CCDC85A: variants seen among roughly 807,000 people sequenced by gnomAD.
CCDC85A encodes coiled-coil domain containing 85A.
Under a neutral mutation model 50.2 loss-of-function variants are expected in CCDC85A, and 38 were observed. The ratio of observed to expected loss-of-function variants is 0.76; its 90% CI spans 0.58 to 0.99. The LOEUF (loss-of-function observed/expected upper bound fraction) is 0.99, where lower values mean the gene tolerates loss of function less well. Ranked by LOEUF, CCDC85A falls within the 50% of genes least tolerant of loss-of-function variation. CCDC85A has a pLI of 0.00. For synonymous variants in CCDC85A, 366 were observed against 301.4 expected, an observed-to-expected ratio of 1.21 and a Z score of -2.22; for missense variants, 820 against 742.0, an observed-to-expected ratio of 1.11 and a Z score of -1.22.
At chr2:56,266,813 C>G (rs1399202039) in intron 2 of CCDC85A, among the ~76,000 whole-genome samples, 1 of 152,016 alleles carries the variant, frequency 6.6e-6, no homozygotes, top group East Asian at 1.9e-4. Context: ...TAGTTATGTC[C>G]TCTTTATTGG....
At chr2:56,348,735 T>C (rs992462317) in intron 3 of CCDC85A, among the ~76,000 whole-genome samples, 1 of 152,170 alleles carries the variant, frequency 6.6e-6, no homozygotes, top group African/African-American at 2.4e-5. Context: ...CTCACCACGG[T>C]GCTTATGCAG....
intron 3 of CCDC85A, among the ~76,000 whole-genome samples, chr2:56,358,029 G>A (rs554204010): frequency 2.0e-5 from 3 of 152,220 alleles, no homozygotes; most frequent in South Asian, 2.1e-4. Flanking sequence ...AATGGACAGG[G>A]CAAGGTTTGT....
intron 2 of CCDC85A, among the ~76,000 whole-genome samples, chr2:56,208,839 A>C (rs1470997247): frequency 6.6e-6 from 1 of 152,036 alleles, no homozygotes. Context: ...TTAACATATC[A>C]TGGTCTTTAG....
At chr2:56,225,054 G>C (rs1356081484) in intron 2 of CCDC85A, among the ~76,000 whole-genome samples, 2 of 149,916 alleles carry the variant, frequency 1.3e-5, no homozygotes, top group Non-Finnish European at 3.0e-5. Context: ...TATAGTTTTA[G>C]TTATTATAGT....
intron 2 of CCDC85A, among the ~76,000 whole-genome samples, chr2:56,339,671 A>T (rs7601878): frequency 0.43 from 64,805 of 152,088 alleles, 15,822 homozygotes; most frequent in African/African-American, 0.68. Flanking sequence ...CAAAAAAGAA[A>T]ATAACTTTAT....
At chr2:56,220,889 GT>G (rs1668296490) in intron 2 of CCDC85A, among the ~76,000 whole-genome samples, 1 of 151,944 alleles carries the variant, frequency 6.6e-6, no homozygotes, top group African/African-American at 2.4e-5. Context: ...AAGTATGCAG[GT>G]GGTCAAGGAT....
chr2:56,244,673 G>A (rs1469509738), intron 2 of CCDC85A, among the ~76,000 whole-genome samples: 1 of 151,358 alleles, frequency 6.6e-6, no homozygotes. Context: ...GAATATGCTG[G>A]GTCACATTGG....
chr2:56,302,483 C>T (rs1329730530), intron 2 of CCDC85A, among the ~76,000 whole-genome samples: 2 of 152,146 alleles, frequency 1.3e-5, no homozygotes, highest in African/African-American at 4.8e-5. Context: ...AATTATTTTT[C>T]TGTCACCTGA....
chr2:56,263,572 A>G (rs1573126067), intron 2 of CCDC85A, among the ~76,000 whole-genome samples: 1 of 152,108 alleles, frequency 6.6e-6, no homozygotes, highest in South Asian at 2.1e-4. Context: ...TGGATGTGCA[A>G]GCTGGGTGTG....
At chr2:56,331,095 G>A (rs1370298228) in intron 2 of CCDC85A, among the ~76,000 whole-genome samples, 1 of 152,158 alleles carries the variant, frequency 6.6e-6, no homozygotes, top group Non-Finnish European at 1.5e-5. Flanking sequence ...GATGGAACTG[G>A]AGGCCATTAT....
At chr2:56,212,089 A>G (rs1677204100) in intron 2 of CCDC85A, among the ~76,000 whole-genome samples, 1 of 151,986 alleles carries the variant, frequency 6.6e-6, no homozygotes, top group Non-Finnish European at 1.5e-5. Context: ...TCACACCCCA[A>G]GTTGGTCTGG....
At chr2:56,237,481 G>A (rs923898579) in intron 2 of CCDC85A, among the ~76,000 whole-genome samples, 3 of 152,192 alleles carry the variant, frequency 2.0e-5, no homozygotes, top group African/African-American at 4.8e-5. Context: ...ATCTTGCTAA[G>A]TAATAACAAT....
intron 2 of CCDC85A, among the ~76,000 whole-genome samples, chr2:56,255,617 G>C (rs1669949874): frequency 6.6e-6 from 1 of 152,028 alleles, no homozygotes. Context: ...TGTGTCAAAT[G>C]CCCTACACGT....
chr2:56,320,378 T>C (rs1220474006), intron 2 of CCDC85A, among the ~76,000 whole-genome samples: 9 of 152,048 alleles, frequency 5.9e-5, no homozygotes, highest in African/African-American at 2.2e-4. Flanking sequence ...ATCATCAAAA[T>C]TGATAGACCA....
intron 3 of CCDC85A, among the ~76,000 whole-genome samples, chr2:56,364,413 T>C (rs756760287): frequency 7.9e-5 from 12 of 152,218 alleles, no homozygotes; most frequent in Non-Finnish European, 1.5e-5. Flanking sequence ...TTCTTTTCCT[T>C]CCAATAACAT....
At chr2:56,284,662 C>T (rs1487564733) in intron 2 of CCDC85A, among the ~76,000 whole-genome samples, 1 of 152,194 alleles carries the variant, frequency 6.6e-6, no homozygotes, top group Admixed American at 6.5e-5. Context: ...CGTGAGCCAC[C>T]ATGCCCAGCC....
intron 2 of CCDC85A, among the ~76,000 whole-genome samples, chr2:56,316,097 C>A (rs1471645951): frequency 6.6e-6 from 1 of 151,794 alleles, no homozygotes; most frequent in Non-Finnish European, 1.5e-5. Context: ...CAAGGTTATC[C>A]CTGAGACATA....
At position 56,331,534 on chromosome 2, in the gene CCDC85A, C is replaced by CA. The variant is rs902136498; in HGVS notation, c.1241-11338dup. Among the ~76,000 whole-genome samples the CA allele has an allele frequency of 7.2e-5, 11 of 152,006 alleles. 1 individual carries two copies. Among genetic ancestry groups the CA allele is most frequent in the South Asian group, 4.2e-4 (2 of 4,798 alleles). On this transcript the variant is annotated intron_variant, in intron 2 of 5. Coordinates refer to ENST00000407595, the MANE Select transcript of CCDC85A (RefSeq NM_001080433.2). ...TGCACTTGTACCTTTTAAATTCATA[C>CA]AAAAAAACCCAAAAAACTATTTGCT...
intron 2 of CCDC85A, among the ~76,000 whole-genome samples, chr2:56,278,198 G>A (rs548863121): frequency 2.4e-4 from 36 of 152,202 alleles, no homozygotes; most frequent in Non-Finnish European, 4.7e-4. Flanking sequence ...ATATTGGTTT[G>A]AGTAGTGTCT....
Sources: gnomAD v4.1 joint callset for allele counts (sites outside exome capture counted in the v4.1 genomes callset) on GRCh38, gnomAD v4.1.1 for gene constraint, MANE v1.5 for transcripts, NCBI Gene and HGNC (gene_info 2026-07-23, HGNC 2026-07-21) for gene names.